Variants in DNAH11 observed in about 807,000 individuals in gnomAD.
DNAH11 encodes the protein axonemal beta dynein heavy chain 11.
Under a neutral mutation model 526.0 loss-of-function variants are expected in DNAH11, and 442 were observed. That is an observed-to-expected ratio of 0.84 (90% CI 0.78 to 0.91). The LOEUF (loss-of-function observed/expected upper bound fraction) is 0.91, where lower values mean the gene tolerates loss of function less well. Ranked by LOEUF, DNAH11 falls within the 40% of genes least tolerant of loss-of-function variation. DNAH11 has a pLI of 0.00. For missense variants in DNAH11, 6,989 were observed against 5,448.7 expected (o/e 1.28, Z -8.90); for synonymous variants, 2,461 against 1,935.9 (o/e 1.27, Z -7.12).
chr7:21,562,464 G>A (rs1311039674), intron 5 of DNAH11, among the ~76,000 whole-genome samples: 3 of 151,870 alleles, frequency 2.0e-5, no homozygotes, highest in African/African-American at 7.3e-5. Flanking sequence ...TTTTTTCTGT[G>A]TTAGCATAAG....
intron 54 of DNAH11, among the ~76,000 whole-genome samples, chr7:21,763,353 A>AAAAAAAAAAAAAG (rs66803559): frequency 3.3e-4 from 19 of 56,952 alleles, no homozygotes; most frequent in Non-Finnish European, 5.1e-4. Context: ...AAAAAAAAAA[A>AAAAAAAAAAAAAG]AAAGAAAAAA....
Position 21,779,051 on chromosome 7 carries a change from C to G in DNAH11, c.9430C>G (p.Gln3144Glu), listed in dbSNP as rs1428188386. The change falls in exon 57 of 82, where the codon CAG becomes GAG. Residue 3144 changes from glutamine to glutamate, a missense_variant. Physicochemically the swap from Gln to Glu is conservative, Grantham distance 29 (BLOSUM62 2). Coordinates refer to ENST00000409508, the MANE Select transcript of DNAH11 (RefSeq NM_001277115.2). ...AGCTCTGATCACAAAGATCGGCCTT[C>G]AGACGGAGAAAGTGAGCCGGGAAAA... is the stretch of plus-strand genomic sequence containing the variant. ...AEALITKIGLQTEKVSREKTI... is the reference protein window; with the variant it reads ...AEALITKIGLETEKVSREKTI... 53 of 1,613,294 alleles carry G rather than the reference C, an allele frequency of 3.3e-5. No individual in the cohort carries two copies. Among genetic ancestry groups the G allele is most frequent in the Non-Finnish European group, 4.4e-5 (52 of 1,179,568 alleles).
chr7:21,722,598 T>C (rs972422883), intron 44 of DNAH11, among the ~76,000 whole-genome samples: 1 of 152,174 alleles, frequency 6.6e-6, no homozygotes, highest in Admixed American at 6.5e-5. Flanking sequence ...TGGAATTCAC[T>C]TGGCCTCCTA....
chr7:21,627,497 G>A (rs1786394002), intron 25 of DNAH11, among the ~76,000 whole-genome samples: 1 of 152,066 alleles, frequency 6.6e-6, no homozygotes, highest in Non-Finnish European at 1.5e-5. Flanking sequence ...TCTGCATATG[G>A]TTATCCAGTT....
At chr7:21,862,122 C>CTTTTT in intron 69 of DNAH11, 99 bp downstream of exon 69, 3 of 896,556 alleles carry the variant, frequency 3.3e-6, no homozygotes, top group Non-Finnish European at 4.6e-6. Context: ...ATATAATAGA[C>CTTTTT]TTTTTTTTTT....
chr7:21,825,144 T>C (rs908080686), intron 65 of DNAH11, among the ~76,000 whole-genome samples: 1 of 152,308 alleles, frequency 6.6e-6, no homozygotes, highest in East Asian at 1.9e-4. Context: ...GTGCTGAGAT[T>C]ACAGGCATGA....
rs1782747937 is a variant in DNAH11 at position 21,854,306 on chromosome 7, C to G, written c.11062-9C>G. The G allele has an allele frequency of 6.2e-7, 1 of 1,610,678 alleles. No individual in the cohort carries two copies. The highest frequency in any genetic ancestry group is 2.2e-5 in the East Asian group (1 of 44,646). On this transcript the variant is annotated splice_polypyrimidine_tract_variant and intron_variant, in intron 67 of 81. Transcript: ENST00000409508. ...AATAAGTTACTTATTTTGTTTGATC[C>G]CACCATAGGTGATTGAAGCCAAAGA...
intron 64 of DNAH11, among the ~76,000 whole-genome samples, 173 bp from the exon 65 acceptor site, chr7:21,818,044 A>C (rs1421072092): frequency 6.6e-6 from 1 of 152,180 alleles, no homozygotes; most frequent in African/African-American, 2.4e-5. Flanking sequence ...TTAAAATCTC[A>C]TCTTTAATTT....
chr7:21,842,597 T>A lies in DNAH11; in HGVS notation c.10745T>A (p.Ile3582Asn). ...GAATTTAACAAGAACTTTCGCCTTA[T>A]CCTTCACACAAAATTGGCAAATCCT... is the stretch of plus-strand genomic sequence containing the variant. ...ECEFNKNFRL[I>N]LHTKLANPHY... is the part of the protein sequence containing the mutation. Residue 3582 changes from isoleucine (I) to asparagine (N), a missense_variant, in exon 66 of 82, where the codon ATC (isoleucine) becomes AAC (asparagine). By Grantham distance (149) the Ile-to-Asn change is moderately radical (BLOSUM62 -3). Transcript: ENST00000409508. 6.2e-7 allele frequency: 1 copy of A among 1,613,962 alleles called. No homozygotes were observed. Among genetic ancestry groups the A allele is most frequent in the South Asian group, 1.1e-5 (1 of 91,082 alleles).
At chr7:21,781,689 G>C (rs1253004067) in intron 57 of DNAH11, among the ~76,000 whole-genome samples, 1 of 152,136 alleles carries the variant, frequency 6.6e-6, no homozygotes, top group Non-Finnish European at 1.5e-5. Context: ...GGATCATAAG[G>C]AAATTCTTAT....
At position 21,775,015 on chromosome 7, in the gene DNAH11, C is replaced by T. The variant is rs1207201044; in HGVS notation, c.9336+1016C>T. 3.9e-5 allele frequency among the ~76,000 whole-genome samples: 6 copies of T among 152,248 alleles called. No homozygotes were observed. In the South Asian group the frequency reaches 1.0e-3, roughly 26 times the overall value. ...GCTAGGCTAGAAATGAACTGAGACC[C>T]GAAGGAGGGAGCACCTTTTCAAATG... On this transcript the variant is annotated intron_variant, in intron 56 of 81. Transcript: ENST00000409508.
intron 2 of DNAH11, among the ~76,000 whole-genome samples, chr7:21,554,712 A>G (rs916162846): frequency 4.6e-5 from 7 of 152,124 alleles, no homozygotes; most frequent in African/African-American, 1.7e-4. Context: ...GATGTTTTAG[A>G]AGTGGTTTCA....
chr7:21,630,622 T>G (rs563872803), intron 25 of DNAH11, among the ~76,000 whole-genome samples: 25 of 152,352 alleles, frequency 1.6e-4, no homozygotes, highest in African/African-American at 5.5e-4. Flanking sequence ...GTTTTGTTGT[T>G]ACATTTAGCA....
intron 54 of DNAH11, among the ~76,000 whole-genome samples, chr7:21,755,044 AG>A (rs34868573): frequency 6.6e-6 from 1 of 152,178 alleles, no homozygotes; most frequent in Non-Finnish European, 1.5e-5. Context: ...AATGTGTTAC[AG>A]GGGGTTGGTG....
intron 55 of DNAH11, among the ~76,000 whole-genome samples, chr7:21,771,098 C>A (rs929349471): frequency 6.6e-6 from 1 of 152,144 alleles, no homozygotes; most frequent in Admixed American, 6.5e-5. Flanking sequence ...ATGTTCAAGA[C>A]TTACTGTAGG....
At chr7:21,830,423 G>T (rs1282156774) in intron 65 of DNAH11, among the ~76,000 whole-genome samples, 1 of 152,178 alleles carries the variant, frequency 6.6e-6, no homozygotes, top group Non-Finnish European at 1.5e-5. Context: ...CGTGTGCTCT[G>T]AACTGTGTCT....
At chr7:21,877,315 TC>T (rs2128040642) in intron 74 of DNAH11, among the ~76,000 whole-genome samples, 1 of 152,286 alleles carries the variant, frequency 6.6e-6, no homozygotes, top group East Asian at 1.9e-4. Flanking sequence ...GCTCAAGTAA[TC>T]CTCCTGCCTC....
chr7:21,802,936 CTATATATATATAA>C (rs922017016), intron 62 of DNAH11, among the ~76,000 whole-genome samples: 2 of 149,038 alleles, frequency 1.3e-5, no homozygotes, highest in Non-Finnish European at 3.0e-5. Flanking sequence ...TTGTGCAAGT[CTATATATATATAA>C]TATATATATA....
chr7:21,694,929 T>C (rs867307564), intron 35 of DNAH11, among the ~76,000 whole-genome samples: 20 of 152,236 alleles, frequency 1.3e-4, no homozygotes, highest in African/African-American at 4.6e-4. Flanking sequence ...GTGGTTTTGA[T>C]TTCCATTTCT....
Sources: gnomAD v4.1 joint callset for allele counts (sites outside exome capture counted in the v4.1 genomes callset) on GRCh38, gnomAD v4.1.1 for gene constraint, MANE v1.5 for transcripts, NCBI Gene and HGNC (gene_info 2026-07-23, HGNC 2026-07-21) for gene names.